The following IFT140 variants were observed in gnomAD, a reference collection of about 807,000 sequenced individuals.
IFT140 encodes intraflagellar transport 140.
A neutral mutation model predicts 164.6 loss-of-function variants in IFT140; 133 were observed. That is an observed-to-expected ratio of 0.81 (90% CI 0.70 to 0.93). The LOEUF (loss-of-function observed/expected upper bound fraction) is 0.93. Ranked by LOEUF, IFT140 falls within the 40% of genes least tolerant of loss-of-function variation. The probability of loss-of-function intolerance (pLI) is 0.00; values close to 1 mark genes in which losing one functional copy is unlikely to be tolerated. For synonymous variants in IFT140, 860 were observed against 817.3 expected (o/e 1.05, Z -0.89); for missense variants, 2,045 against 1,972.3 (o/e 1.04, Z -0.70).
chr16:1,528,322 TGCACGCAC>T (rs904796608), intron 19 of IFT140, among the ~76,000 whole-genome samples: 7 of 117,066 alleles, frequency 6.0e-5, no homozygotes, highest in African/African-American at 2.5e-4. Context: ...CACGCACGCA[TGCACGCAC>T]GTGTGCACAC....
intron 19 of IFT140, among the ~76,000 whole-genome samples, chr16:1,527,491 T>G (rs2040743467): frequency 6.6e-6 from 1 of 152,034 alleles, no homozygotes; most frequent in African/African-American, 2.4e-5. Flanking sequence ...GAATTTTGTG[T>G]GTGTGAAGGA....
chr16:1,514,932 G>A (rs1055423230), intron 30 of IFT140, among the ~76,000 whole-genome samples: 1 of 151,988 alleles, frequency 6.6e-6, no homozygotes, highest in African/African-American at 2.4e-5. Context: ...ATAATAAAAA[G>A]AACTAAGTGT....
chr16:1,558,409 AGG>A lies in IFT140; in HGVS notation c.2200-277_2200-276del, dbSNP rs2033222901. Among the ~76,000 whole-genome samples, 5 of 152,352 alleles carry A rather than the reference AGG, an allele frequency of 3.3e-5. No individual in the cohort carries two copies. In the South Asian group the frequency reaches 1.0e-3, roughly 32 times the overall value. ...TTAAACTCTCTTAAAATTAAGTAAC[AGG>A]AGCATGATTTCAGGTAGAATTTTCC... On this transcript the variant is annotated intron_variant, in intron 18 of 30. Coordinates refer to ENST00000426508, the MANE Select transcript of IFT140 (RefSeq NM_014714.4).
intron 20 of IFT140, chr16:1,526,392 GCCCA>G: frequency 1.6e-6 from 1 of 606,566 alleles, no homozygotes; most frequent in East Asian, 2.9e-5. Context: ...TCTGTTCCAG[GCCCA>G]CACACCTGAC....
intron 19 of IFT140, among the ~76,000 whole-genome samples, chr16:1,545,197 G>A (rs905753226): frequency 6.6e-6 from 1 of 152,228 alleles, no homozygotes; most frequent in African/African-American, 2.4e-5. Context: ...TCCTGGTCAG[G>A]AGGGATGGTG....
intron 29 of IFT140, among the ~76,000 whole-genome samples, chr16:1,518,755 A>G (rs1430208159): frequency 6.6e-6 from 1 of 151,772 alleles, no homozygotes. Context: ...CCAAGCAGAG[A>G]GGCTGCCCGC....
At position 1,522,850 on chromosome 16, in the gene IFT140, G is replaced by A. The variant is rs114023776; in HGVS notation, c.3453+668C>T. On this transcript the variant is annotated intron_variant, in intron 26 of 30. Coordinates refer to ENST00000426508, the MANE Select transcript of IFT140 (RefSeq NM_014714.4). ...TAGCCCAGTAAAAAATGGCATCTCC[G>A]TGAATTTTGATATGTATTTCTATCA... 7.8e-3 allele frequency among the ~76,000 whole-genome samples: 1,188 copies of A among 152,212 alleles called. 11 individuals are homozygous for A. Among genetic ancestry groups the A allele is most frequent in the African/African-American group, 0.027 (1,123 of 41,516 alleles).
chr16:1,560,566 G>A (rs750482335), intron 18 of IFT140, among the ~76,000 whole-genome samples: 15 of 150,076 alleles, frequency 1.0e-4, no homozygotes, highest in Non-Finnish European at 1.8e-4. Flanking sequence ...GTGTGGAGCC[G>A]GTGCGCCCGC....
intron 6 of IFT140, among the ~76,000 whole-genome samples, chr16:1,590,306 A>T (rs927828062): frequency 2.0e-5 from 3 of 151,602 alleles, no homozygotes; most frequent in African/African-American, 4.9e-5. Flanking sequence ...GTCTCTATGG[A>T]TTCCTCCTCT....
chr16:1,514,770 C>G (rs2040293923), intron 30 of IFT140: 1 of 152,110 alleles, frequency 6.6e-6, no homozygotes, highest in Non-Finnish European at 1.5e-5. Context: ...TTGACCCATA[C>G]TCAAAAGGCA....
intron 9 of IFT140, among the ~76,000 whole-genome samples, 195 bp from the exon 10 acceptor site, chr16:1,586,470 G>A (rs1202625660): frequency 6.6e-6 from 1 of 152,076 alleles, no homozygotes; most frequent in Non-Finnish European, 1.5e-5. Context: ...CGGGGGTGGT[G>A]GGGGATGCTG....
intron 19 of IFT140, among the ~76,000 whole-genome samples, chr16:1,540,554 G>A (rs558437439): frequency 2.0e-5 from 3 of 152,324 alleles, no homozygotes; most frequent in African/African-American, 7.2e-5. Context: ...CTAGAGGCCA[G>A]CACCTTCAGG....
intron 2 of IFT140, among the ~76,000 whole-genome samples, chr16:1,608,841 A>G (rs2142123018): frequency 6.6e-6 from 1 of 152,084 alleles, no homozygotes; most frequent in South Asian, 2.1e-4. Flanking sequence ...TCAGTCTCCC[A>G]AGTAGCTGGG....
intron 20 of IFT140, 161 bp downstream of exon 20, chr16:1,526,458 T>G: frequency 1.2e-6 from 1 of 802,882 alleles, no homozygotes; most frequent in South Asian, 1.9e-5. Context: ...CCACCTCACC[T>G]CCACCGCCGC....
rs753237267 is a variant in IFT140 at position 1,571,519 on chromosome 16, G to A, written c.1540C>T (p.Leu514Phe). 3 of 1,612,058 alleles carry A rather than the reference G, an allele frequency of 1.9e-6. No individual in the cohort carries two copies. The highest frequency in any genetic ancestry group is 8.5e-7 in the Non-Finnish European group (1 of 1,179,404). Residue 514 changes from leucine (L) to phenylalanine (F), a missense_variant, in exon 14 of 31, where the codon CTC (leucine) becomes TTC (phenylalanine). Leu to Phe is a conservative substitution (Grantham distance 22). Transcript: ENST00000426508. Reference sequence around the variant, plus strand: ...CCCTCAGTCTCCGAGAAAAGGAGGAGTTGTTTGACAGTCCCCTGAGGAAAA... The same window carrying A: ...CCCTCAGTCTCCGAGAAAAGGAGGAATTGTTTGACAGTCCCCTGAGGAAAA... ...VRTWQGTVKQ[L>F]LLFSETEGNP... is the part of the protein sequence containing the mutation.
chr16:1,528,396 CGG>C (rs1567333874), intron 19 of IFT140, among the ~76,000 whole-genome samples: 1 of 150,894 alleles, frequency 6.6e-6, no homozygotes, highest in African/African-American at 2.5e-5. Context: ...TGCACACACA[CGG>C]ATGCACACAC....
chr16:1,605,428 T>C (rs1027192558), intron 3 of IFT140, among the ~76,000 whole-genome samples: 1 of 152,182 alleles, frequency 6.6e-6, no homozygotes, highest in African/African-American at 2.4e-5. Flanking sequence ...TTTTTTGAGA[T>C]GGAGTCTCAC....
At chr16:1,554,102 G>A in intron 19 of IFT140, 1 of 1,287,170 alleles carries the variant, frequency 7.8e-7, no homozygotes, top group Non-Finnish European at 1.0e-6. Context: ...GGTCTAGAAC[G>A]AGAAGCACTG....
intron 13 of IFT140, chr16:1,578,251 G>A (rs925008008): frequency 2.6e-5 from 4 of 152,144 alleles, no homozygotes; most frequent in African/African-American, 9.6e-5. Context: ...GGATGCCAAC[G>A]AGAATTGACA....
Sources: gnomAD v4.1 joint callset for allele counts (sites outside exome capture counted in the v4.1 genomes callset) on GRCh38, gnomAD v4.1.1 for gene constraint, MANE v1.5 for transcripts, NCBI Gene and HGNC (gene_info 2026-07-23, HGNC 2026-07-21) for gene names.